Variants in RAPGEF2 observed in about 807,000 individuals in gnomAD.
RAPGEF2 encodes the protein Rap guanine nucleotide exchange factor 2.
A neutral mutation model predicts 186.7 loss-of-function variants in RAPGEF2; 54 were observed. The observed-to-expected ratio is 0.29, with a 90% confidence interval of 0.23 to 0.36. The LOEUF (loss-of-function observed/expected upper bound fraction) is 0.36, where lower values mean the gene tolerates loss of function less well. RAPGEF2 is among the 10% of genes least tolerant of loss of function. The pLI, the probability that RAPGEF2 is intolerant of heterozygous loss-of-function variation, is 1.00. For missense variants in RAPGEF2, 1,532 were observed against 2,045.0 expected, an observed-to-expected ratio of 0.75 and a Z score of 4.84; for synonymous variants, 712 against 705.9, an observed-to-expected ratio of 1.01 and a Z score of -0.14.
intron 1 of RAPGEF2, among the ~76,000 whole-genome samples, chr4:159,158,584 C>G (rs1273718908): frequency 6.6e-6 from 1 of 152,050 alleles, no homozygotes; most frequent in Non-Finnish European, 1.5e-5. Context: ...TAAATATTCT[C>G]TTTGTGGGCA....
chr4:159,331,203 TCA>T (rs1286831513), intron 13 of RAPGEF2, among the ~76,000 whole-genome samples: 1 of 152,200 alleles, frequency 6.6e-6, no homozygotes, highest in African/African-American at 2.4e-5. Flanking sequence ...TTAAATACCT[TCA>T]CAGACTCAGA....
intron 8 of RAPGEF2, among the ~76,000 whole-genome samples, chr4:159,310,759 G>A (rs1054108408): frequency 1.3e-5 from 2 of 151,980 alleles, no homozygotes; most frequent in Non-Finnish European, 2.9e-5. Context: ...CTTTCTCCTT[G>A]TTCCTGAAAC....
intron 7 of RAPGEF2, among the ~76,000 whole-genome samples, chr4:159,291,142 C>T (rs142896381): frequency 1.3e-5 from 2 of 152,024 alleles, no homozygotes; most frequent in Non-Finnish European, 2.9e-5. Context: ...TTGTAATACC[C>T]GTCACTAGAA....
At chr4:159,340,339 A>G (rs369727969) in intron 19 of RAPGEF2, among the ~76,000 whole-genome samples, 31 of 152,272 alleles carry the variant, frequency 2.0e-4, no homozygotes, top group Admixed American at 7.8e-4. Context: ...TATCATTTCA[A>G]TGCACATTGA....
At chr4:159,226,702 A>G (rs1212661718) in intron 4 of RAPGEF2, among the ~76,000 whole-genome samples, 1 of 152,144 alleles carries the variant, frequency 6.6e-6, no homozygotes, top group African/African-American at 2.4e-5. Context: ...TCTTCATTGT[A>G]TTTATTCCTC....
chr4:159,290,611 A>T (rs1761071393), intron 7 of RAPGEF2, among the ~76,000 whole-genome samples: 1 of 152,190 alleles, frequency 6.6e-6, no homozygotes. Context: ...TGGTGATGTA[A>T]ATCAATCATG....
At position 159,330,420 on chromosome 4, in the gene RAPGEF2, T is replaced by C. The variant is rs749623332; in HGVS notation, c.1389T>C (p.Tyr463=). The change falls in exon 13 of 30, where the codon TAT becomes TAC. Residue 463 remains tyrosine (Y), a synonymous_variant. Transcript: ENST00000691494. ...TCATAGAAGACTTTCTGTTGACCTA[T>C]AGGACTTTTCTTTCTAGCCCAATGG... ...PTFIEDFLLT[Y]RTFLSSPMEV... 3.7e-6 allele frequency: 6 copies of C among 1,608,372 alleles called. No individual in the cohort carries two copies. The Admixed American group carries it at 8.6e-5, about 23-fold the overall frequency.
chr4:159,163,893 A>C (rs2111226668), intron 1 of RAPGEF2, among the ~76,000 whole-genome samples: 1 of 152,038 alleles, frequency 6.6e-6, no homozygotes, highest in East Asian at 1.9e-4. Context: ...TACATGGATA[A>C]AATGAGCAAA....
chr4:159,196,152 T>G (rs1748631520), intron 3 of RAPGEF2, among the ~76,000 whole-genome samples: 1 of 152,192 alleles, frequency 6.6e-6, no homozygotes, highest in African/African-American at 2.4e-5. Context: ...CATAATCAGA[T>G]TTCTAGCGTT....
At chr4:159,303,588 C>T (rs1246019973) in intron 7 of RAPGEF2, among the ~76,000 whole-genome samples, 1 of 150,518 alleles carries the variant, frequency 6.6e-6, no homozygotes, top group East Asian at 1.9e-4. Flanking sequence ...TCTCACTTGA[C>T]GAGGGCATAA....
intron 7 of RAPGEF2, among the ~76,000 whole-genome samples, chr4:159,258,534 T>G (rs892077747): frequency 2.0e-5 from 3 of 152,228 alleles, no homozygotes; most frequent in African/African-American, 7.2e-5. Flanking sequence ...ATGCGTCCAT[T>G]TATAATTACT....
At chr4:159,248,613 T>C (rs1213115037) in intron 7 of RAPGEF2, among the ~76,000 whole-genome samples, 2 of 152,250 alleles carry the variant, frequency 1.3e-5, no homozygotes, top group Non-Finnish European at 2.9e-5. Context: ...TTAAAGCTGC[T>C]ATAGTGGTCT....
Position 159,104,112 on chromosome 4 carries a change from G to T in RAPGEF2, c.-51G>T, listed in dbSNP as rs913916476. The T allele has an allele frequency of 4.6e-5, 60 of 1,297,660 alleles. No homozygotes were observed. The African/African-American group carries it at 7.5e-4, about 16-fold the overall frequency. The allele number at this position is 1,297,660 out of a possible 1,614,324, so 80.4% of individuals were successfully genotyped here. A position where few individuals can be genotyped will look rare whatever the true frequency, so the allele number is the denominator to read the frequency against. On this transcript the variant is annotated 5_prime_UTR_variant, in exon 1 of 30. Transcript: ENST00000691494. ...GGAGGCAGCAGCGGCGCTGGGCCGG[G>T]AGGAGGCCGGCCAGGGTGCGGAGCG...
chr4:159,294,903 G>A (rs908330677), intron 7 of RAPGEF2, among the ~76,000 whole-genome samples: 1 of 152,154 alleles, frequency 6.6e-6, no homozygotes, highest in East Asian at 1.9e-4. Context: ...GTGTTCGTCA[G>A]GCTGGTCTCA....
chr4:159,260,082 T>C (rs896807597), intron 7 of RAPGEF2, among the ~76,000 whole-genome samples: 2 of 152,058 alleles, frequency 1.3e-5, no homozygotes, highest in Non-Finnish European at 2.9e-5. Flanking sequence ...AATGCAGCCT[T>C]GACCTCCCAG....
At chr4:159,131,886 TGCTAACTGA>T (rs950300983) in intron 1 of RAPGEF2, among the ~76,000 whole-genome samples, 2 of 152,170 alleles carry the variant, frequency 1.3e-5, no homozygotes, top group African/African-American at 4.8e-5. Context: ...TGGTTCTCTA[TGCTAACTGA>T]AAAAGCCAGA....
chr4:159,183,154 C>G (rs1217040706), intron 1 of RAPGEF2, among the ~76,000 whole-genome samples: 1 of 152,174 alleles, frequency 6.6e-6, no homozygotes. Context: ...GGAACACTCA[C>G]AATTCACAGT....
chr4:159,104,489 CGAGAGAGAGA>C (rs553251268), intron 1 of RAPGEF2, among the ~76,000 whole-genome samples: 188 of 88,766 alleles, frequency 2.1e-3, no homozygotes, highest in Middle Eastern at 5.6e-3. Flanking sequence ...GTTGCCCAGC[CGAGAGAGAGA>C]GAGAGAGAGA....
chr4:159,291,519 C>A (rs1042807092), intron 7 of RAPGEF2, among the ~76,000 whole-genome samples: 1 of 152,100 alleles, frequency 6.6e-6, no homozygotes, highest in Non-Finnish European at 1.5e-5. Context: ...TGGTCCCAAA[C>A]CCCTGGACTC....
Sources: allele counts gnomAD v4.1 joint callset (sites outside exome capture counted in the v4.1 genomes callset), GRCh38; gene constraint gnomAD v4.1.1; transcripts MANE v1.5; gene names NCBI Gene and HGNC (gene_info 2026-07-23, HGNC 2026-07-21).